CHMP3: variants seen among roughly 807,000 people sequenced by gnomAD.
CHMP3 encodes 25.1 protein.
CHMP3 carries 8 observed loss-of-function variants against 27.4 expected under a neutral mutation model. The observed-to-expected ratio is 0.29, with a 90% CI of 0.17 to 0.53. The LOEUF (loss-of-function observed/expected upper bound fraction) is 0.53. Ranked by LOEUF, CHMP3 falls within the 20% of genes least tolerant of loss-of-function variation. The pLI, the probability that CHMP3 is intolerant of heterozygous loss-of-function variation, is 0.96. For synonymous variants in CHMP3, 86 were observed against 85.5 expected (o/e 1.01, Z -0.03); for missense variants, 208 against 271.5 (o/e 0.77, Z 1.64).
At chr2:86,508,766 C>G (rs1026081912) in intron 4 of CHMP3, among the ~76,000 whole-genome samples, 2 of 152,178 alleles carry the variant, frequency 1.3e-5, no homozygotes, top group African/African-American at 4.8e-5. Context: ...TTCTGCCCAT[C>G]CTCAGATCCG....
At chr2:86,538,400 TA>T (rs1436484748) in intron 2 of CHMP3, among the ~76,000 whole-genome samples, 1 of 152,184 alleles carries the variant, frequency 6.6e-6, no homozygotes, top group Non-Finnish European at 1.5e-5. Context: ...ACTGTACACT[TA>T]AAAATGGTTA....
intron 2 of CHMP3, among the ~76,000 whole-genome samples, chr2:86,537,140 C>A (rs1573276656): frequency 6.6e-6 from 1 of 152,326 alleles, no homozygotes; most frequent in East Asian, 1.9e-4. Context: ...GTTGGGATTA[C>A]AGGCGTTAGC....
At chr2:86,546,341 G>T (rs937891720) in intron 1 of CHMP3, among the ~76,000 whole-genome samples, 2 of 134,188 alleles carry the variant, frequency 1.5e-5, no homozygotes, top group Admixed American at 1.5e-4. Flanking sequence ...GTCCAGCCTC[G>T]GCAACAGAGG....
At chr2:86,561,148 T>C (rs1677343669) in intron 1 of CHMP3, among the ~76,000 whole-genome samples, 1 of 152,232 alleles carries the variant, frequency 6.6e-6, no homozygotes, top group South Asian at 2.1e-4. Context: ...ATTTCACCTT[T>C]ATAATCCCTC....
At chr2:86,513,992 A>G (rs377401820) in intron 3 of CHMP3, among the ~76,000 whole-genome samples, 19 of 152,274 alleles carry the variant, frequency 1.2e-4, no homozygotes, top group African/African-American at 4.3e-4. Context: ...ATGAGATCAC[A>G]TATGTCAAAG....
At chr2:86,514,727 T>C (rs1675230576) in intron 3 of CHMP3, among the ~76,000 whole-genome samples, 2 of 152,190 alleles carry the variant, frequency 1.3e-5, no homozygotes, top group South Asian at 2.1e-4. Context: ...CCAGAAAGCA[T>C]GTGTTAGACT....
At chr2:86,527,354 A>G (rs990858351) in intron 3 of CHMP3, 5 of 152,240 alleles carry the variant, frequency 3.3e-5, no homozygotes, top group African/African-American at 4.8e-5. Flanking sequence ...GAGGCTGTGC[A>G]TACACTGCTT....
chr2:86,561,813 G>C (rs1478429214), intron 1 of CHMP3: 3 of 152,152 alleles, frequency 2.0e-5, no homozygotes, highest in African/African-American at 7.2e-5. Context: ...GAGTAGTATA[G>C]TAGTACATAT....
intron 2 of CHMP3, among the ~76,000 whole-genome samples, chr2:86,536,897 T>C (rs1676166538): frequency 6.6e-6 from 1 of 152,212 alleles, no homozygotes; most frequent in African/African-American, 2.4e-5. Context: ...TTTTTTCTTT[T>C]TCTTTTTTTT....
At chr2:86,550,374 G>A (rs184290722) in intron 1 of CHMP3, among the ~76,000 whole-genome samples, 7 of 151,906 alleles carry the variant, frequency 4.6e-5, no homozygotes, top group Non-Finnish European at 5.9e-5. Flanking sequence ...AGACGGAGAC[G>A]GAGAGGAGAG....
intron 1 of CHMP3, among the ~76,000 whole-genome samples, chr2:86,546,499 G>A (rs1433653669): frequency 1.3e-5 from 2 of 150,726 alleles, no homozygotes; most frequent in Non-Finnish European, 2.9e-5. Flanking sequence ...GTACAGTGGC[G>A]CAATCTCAGC....
chr2:86,549,953 G>A (rs1304163299), intron 1 of CHMP3, among the ~76,000 whole-genome samples: 2 of 151,986 alleles, frequency 1.3e-5, no homozygotes, highest in Non-Finnish European at 2.9e-5. Context: ...GGGCTGATAC[G>A]CTCCTCACTT....
At chr2:86,542,218 G>A (rs1447782753) in intron 2 of CHMP3, 34 bp downstream of exon 2, 3 of 1,605,452 alleles carry the variant, frequency 1.9e-6, no homozygotes, top group Admixed American at 1.7e-5. Flanking sequence ...ATACCAAGAG[G>A]GTGAAAAATA....
intron 1 of CHMP3, among the ~76,000 whole-genome samples, chr2:86,555,012 A>C (rs1294295820): frequency 6.6e-6 from 1 of 151,788 alleles, no homozygotes; most frequent in Non-Finnish European, 1.5e-5. Flanking sequence ...ACAACCAGCT[A>C]ATTTTTGTAT....
At chr2:86,542,400 TA>T in intron 1 of CHMP3, 88 bp from the exon 2 acceptor site, 3 of 1,255,724 alleles carry the variant, frequency 2.4e-6, no homozygotes, top group Non-Finnish European at 3.4e-6. Flanking sequence ...ACTCCACATT[TA>T]TTACAGACAC....
chr2:86,563,378 G>C lies in CHMP3; in HGVS notation c.-30C>G, dbSNP rs1479140592. On this transcript the variant is annotated 5_prime_UTR_variant, in exon 1 of 6. Transcript: ENST00000263856. ...AACTGAACCCGTCTTGCCCCTTCCG[G>C]CTTTCAGTTCCCCGCGCCCAGGCAG... 2 of 1,611,510 alleles carry C rather than the reference G, an allele frequency of 1.2e-6. No individual in the cohort carries two copies. The highest frequency in any genetic ancestry group is 1.7e-6 in the Non-Finnish European group (2 of 1,178,930).
At chr2:86,533,958 G>A (rs1437981403) in intron 2 of CHMP3, among the ~76,000 whole-genome samples, 1 of 152,108 alleles carries the variant, frequency 6.6e-6, no homozygotes, top group African/African-American at 2.4e-5. Flanking sequence ...TTAAGAATGT[G>A]TTGCTTAATT....
chr2:86,548,182 T>C (rs866679953), intron 1 of CHMP3, among the ~76,000 whole-genome samples: 19,999 of 144,066 alleles, frequency 0.14, 1,431 homozygotes, highest in African/African-American at 0.17. Flanking sequence ...GAGTTCTCTT[T>C]TTTTTTTTTT....
intron 3 of CHMP3, among the ~76,000 whole-genome samples, chr2:86,514,912 T>C (rs1372259932): frequency 1.3e-5 from 2 of 152,140 alleles, no homozygotes; most frequent in African/African-American, 4.8e-5. Context: ...CAAAAAAGGT[T>C]AAAATTCTAG....
Sources: gnomAD v4.1 joint callset for allele counts (sites outside exome capture counted in the v4.1 genomes callset) on GRCh38, gnomAD v4.1.1 for gene constraint, MANE v1.5 for transcripts, NCBI Gene and HGNC (gene_info 2026-07-23, HGNC 2026-07-21) for gene names.